BPIFC: variants seen among roughly 807,000 people sequenced by gnomAD.
The protein encoded by BPIFC is BPI fold containing family C.
In BPIFC, 60 loss-of-function variants were observed where a neutral mutation model predicts 57.6. The observed-to-expected ratio is 1.04, with a 90% CI of 0.85 to 1.29. The LOEUF is 1.29. Ranked by LOEUF, BPIFC falls within the 50% of genes most tolerant of loss-of-function variation. BPIFC has a pLI of 0.00. For synonymous variants in BPIFC, 243 were observed against 224.5 expected (o/e 1.08, Z -0.74); for missense variants, 581 against 600.5 (o/e 0.97, Z 0.34).
At chr22:32,464,188 C>A (rs1935214104) in intron 1 of BPIFC, among the ~76,000 whole-genome samples, 186 bp downstream of exon 1, 1 of 152,138 alleles carries the variant, frequency 6.6e-6, no homozygotes, top group Non-Finnish European at 1.5e-5. Context: ...GCCTAAGAAG[C>A]CTCCAGGTGC....
chr22:32,430,647 A>G (rs1441019707), intron 13 of BPIFC, among the ~76,000 whole-genome samples: 1 of 150,614 alleles, frequency 6.6e-6, no homozygotes, highest in Non-Finnish European at 1.5e-5. Flanking sequence ...TGAGAGAGAT[A>G]TATTTTTTTG....
Position 32,419,398 on chromosome 22 carries a change from G to A in BPIFC, c.1224C>T (p.Arg408=), listed in dbSNP as rs544938731. The change falls in exon 14 of 17, where the codon CGC becomes CGT. Residue 408 remains arginine, a synonymous_variant. Coordinates refer to ENST00000300399, the MANE Select transcript of BPIFC (RefSeq NM_174932.3). ...LVCSLSLNRF[R]LALPESNRSN... ...TGCGATTGGACTCTGGCAAAGCAAG[G>A]CGGAATCTAAAAGAAAACAAGAAAA... 7.4e-6 allele frequency: 12 copies of A among 1,613,554 alleles called. No individual in the cohort carries two copies. The East Asian group carries it at 2.7e-4, about 36-fold the overall frequency.
At chr22:32,459,332 C>T (rs962354339) in intron 2 of BPIFC, among the ~76,000 whole-genome samples, 8 of 152,004 alleles carry the variant, frequency 5.3e-5, no homozygotes, top group African/African-American at 1.9e-4. Flanking sequence ...AGTTTGAGAC[C>T]AGCCTGTGGA....
intron 13 of BPIFC, among the ~76,000 whole-genome samples, chr22:32,423,324 G>T (rs994135809): frequency 1.3e-5 from 2 of 152,146 alleles, no homozygotes; most frequent in African/African-American, 4.8e-5. Flanking sequence ...CTTCCATTTG[G>T]GGTTTCCTCC....
chr22:32,440,971 C>T (rs985631275), intron 8 of BPIFC, among the ~76,000 whole-genome samples: 16 of 152,080 alleles, frequency 1.1e-4, no homozygotes, highest in Non-Finnish European at 1.6e-4. Context: ...GTCATGCCGG[C>T]CTTACTCTTC....
intron 2 of BPIFC, among the ~76,000 whole-genome samples, chr22:32,459,399 C>T (rs977834262): frequency 2.6e-5 from 4 of 152,170 alleles, no homozygotes; most frequent in Admixed American, 2.0e-4. Flanking sequence ...CACGGTGGCT[C>T]ATGCCTGTAA....
intron 13 of BPIFC, 105 bp from the exon 14 acceptor site, chr22:32,419,509 A>G (rs1933774691): frequency 8.5e-7 from 1 of 1,180,710 alleles, no homozygotes; most frequent in Non-Finnish European, 1.2e-6. Flanking sequence ...ACTATTTAAA[A>G]AAAAACACAC....
chr22:32,453,130 G>C (rs1210587183), intron 4 of BPIFC, among the ~76,000 whole-genome samples: 1 of 152,150 alleles, frequency 6.6e-6, no homozygotes, highest in Admixed American at 6.6e-5. Flanking sequence ...GACTGACTCA[G>C]CTTTTAAGAA....
In BPIFC at chr22:32,432,546, GC is replaced by G. The variant is rs1569450398; in HGVS notation, c.979-4del. On this transcript the variant is annotated splice_region_variant and splice_polypyrimidine_tract_variant and intron_variant, in intron 11 of 16. Transcript: ENST00000300399. Reference sequence around the variant, plus strand: ...GACAAGATGTAGATCTCTGCAATCTGCCCACATTCCGAGAAAGAAATAAAGA... The same window carrying G: ...GACAAGATGTAGATCTCTGCAATCTGCCACATTCCGAGAAAGAAATAAAGA... The G allele has an allele frequency of 2.5e-6, 4 of 1,611,980 alleles. No homozygotes were observed. Among genetic ancestry groups the G allele is most frequent in the Non-Finnish European group, 3.4e-6 (4 of 1,178,756 alleles).
Position 32,431,418 on chromosome 22 carries a change from T to C in BPIFC, c.1150-4A>G. ...GGCCAACACTGGTACTAGCAACCTA[T>C]AGACAATAAAAGCATTTATTATTAA... On this transcript the variant is annotated splice_region_variant and splice_polypyrimidine_tract_variant and intron_variant, in intron 12 of 16. Transcript: ENST00000300399. 6.4e-7 allele frequency: 1 copy of C among 1,565,168 alleles called. No individual in the cohort carries two copies. Among genetic ancestry groups the C allele is most frequent in the Non-Finnish European group, 8.8e-7 (1 of 1,142,742 alleles).
At chr22:32,431,234 C>G (rs1934231500) in intron 13 of BPIFC, 113 bp downstream of exon 13, 3 of 889,172 alleles carry the variant, frequency 3.4e-6, no homozygotes, top group Non-Finnish European at 5.2e-6. Context: ...CTGCCTCAGC[C>G]TCCTGAGTAG....
At chr22:32,450,928 A>T (rs1003548264) in intron 4 of BPIFC, among the ~76,000 whole-genome samples, 1 of 152,242 alleles carries the variant, frequency 6.6e-6, no homozygotes, top group African/African-American at 2.4e-5. Flanking sequence ...TTGAAAAAGT[A>T]AACTTACAAA....
At chr22:32,434,311 A>C (rs1395079761) in intron 10 of BPIFC, among the ~76,000 whole-genome samples, 1 of 149,070 alleles carries the variant, frequency 6.7e-6, no homozygotes, top group Non-Finnish European at 1.5e-5. Context: ...GTCTTTATAT[A>C]TATATTACAC....
At chr22:32,444,800 A>G (rs965937106) in intron 7 of BPIFC, among the ~76,000 whole-genome samples, 2 of 152,184 alleles carry the variant, frequency 1.3e-5, no homozygotes, top group African/African-American at 4.8e-5. Flanking sequence ...ATTATCTCCC[A>G]GGACACTTCC....
chr22:32,461,372 T>G (rs1402241173), intron 2 of BPIFC, among the ~76,000 whole-genome samples: 1 of 152,044 alleles, frequency 6.6e-6, no homozygotes, highest in South Asian at 2.1e-4. Flanking sequence ...CAGACAGCAC[T>G]AAGGGAAGCA....
At chr22:32,452,413 G>A (rs369705289) in intron 4 of BPIFC, among the ~76,000 whole-genome samples, 1 of 152,026 alleles carries the variant, frequency 6.6e-6, no homozygotes, top group African/African-American at 2.4e-5. Context: ...AAAGGCGGCC[G>A]ATCACTAGGT....
chr22:32,462,966 C>G (rs953994951), intron 1 of BPIFC, among the ~76,000 whole-genome samples: 1 of 152,068 alleles, frequency 6.6e-6, no homozygotes, highest in African/African-American at 2.4e-5. Context: ...AGTGCAAATC[C>G]CTTCTTATTT....
intron 4 of BPIFC, among the ~76,000 whole-genome samples, chr22:32,450,093 TACACACACACACACACACAC>T (rs59948938): frequency 0.22 from 32,609 of 145,540 alleles, 3,823 homozygotes; most frequent in Middle Eastern, 0.28. Context: ...TCAAAGAGCA[TACACACACACACACACACAC>T]ACACACACAC....
chr22:32,462,687 G>A (rs1240697393), intron 1 of BPIFC, among the ~76,000 whole-genome samples: 1 of 152,162 alleles, frequency 6.6e-6, no homozygotes, highest in Non-Finnish European at 1.5e-5. Flanking sequence ...AGGCACCTGG[G>A]AACCCAACCT....
Sources: allele counts gnomAD v4.1 joint callset (sites outside exome capture counted in the v4.1 genomes callset), GRCh38; gene constraint gnomAD v4.1.1; transcripts MANE v1.5; gene names NCBI Gene and HGNC (gene_info 2026-07-23, HGNC 2026-07-21).